The following LRRC4C variants were observed in gnomAD, a reference collection of about 807,000 sequenced individuals.
The protein encoded by LRRC4C is leucine rich repeat containing 4C, also known as leucine-rich repeat-containing protein 4C.
Under a neutral mutation model 33.6 loss-of-function variants are expected in LRRC4C, and 5 were observed. The observed-to-expected ratio is 0.15, with a 90% confidence interval of 0.08 to 0.31. LRRC4C has a LOEUF of 0.31. LRRC4C is among the 10% of genes least tolerant of loss of function. The pLI is 1.00. For missense variants in LRRC4C, 560 were observed against 796.7 expected, an observed-to-expected ratio of 0.70 and a Z score of 3.58; for synonymous variants, 329 against 302.0, an observed-to-expected ratio of 1.09 and a Z score of -0.93.
At chr11:40,696,723 GTC>G (rs1250928298) in intron 2 of LRRC4C, among the ~76,000 whole-genome samples, 1 of 129,684 alleles carries the variant, frequency 7.7e-6, no homozygotes, top group African/African-American at 2.9e-5. Flanking sequence ...CAGAAAAATT[GTC>G]TCTGTGCATA....
At chr11:40,796,294 C>T (rs1950821524) in intron 2 of LRRC4C, among the ~76,000 whole-genome samples, 1 of 152,152 alleles carries the variant, frequency 6.6e-6, no homozygotes, top group Non-Finnish European at 1.5e-5. Flanking sequence ...TTCAAAATAA[C>T]AGGACCATGC....
At chr11:40,697,824 C>T (rs1945650667) in intron 2 of LRRC4C, among the ~76,000 whole-genome samples, 1 of 152,094 alleles carries the variant, frequency 6.6e-6, no homozygotes, top group Non-Finnish European at 1.5e-5. Flanking sequence ...AATCCCAGCA[C>T]TTCGAGAGGC....
intron 3 of LRRC4C, among the ~76,000 whole-genome samples, chr11:40,342,797 C>T (rs201355582): frequency 1.3e-5 from 2 of 152,082 alleles, no homozygotes; most frequent in South Asian, 4.1e-4. Flanking sequence ...ACTGTCTATT[C>T]TACTACCCCA....
chr11:40,404,673 C>T (rs1949893134), intron 3 of LRRC4C, among the ~76,000 whole-genome samples: 2 of 152,034 alleles, frequency 1.3e-5, no homozygotes, highest in Admixed American at 1.3e-4. Flanking sequence ...ATTCATCCTT[C>T]ACTCCATAGC....
At chr11:40,222,053 C>T (rs1864460216) in intron 5 of LRRC4C, among the ~76,000 whole-genome samples, 1 of 152,018 alleles carries the variant, frequency 6.6e-6, no homozygotes. Context: ...TTTTTTCCTA[C>T]AGCTTTCCCA....
At chr11:41,303,995 TGG>T (rs1436644350) in intron 1 of LRRC4C, among the ~76,000 whole-genome samples, 1 of 40,818 alleles carries the variant, frequency 2.4e-5, no homozygotes, top group South Asian at 9.4e-4. Flanking sequence ...GGGAGGGAGG[TGG>T]GGGGGGTCAG....
intron 3 of LRRC4C, among the ~76,000 whole-genome samples, chr11:40,467,734 A>G (rs1352402878): frequency 6.6e-6 from 1 of 152,338 alleles, no homozygotes; most frequent in Non-Finnish European, 1.5e-5. Flanking sequence ...CAGAACCCTA[A>G]CTGCCTAACT....
intron 1 of LRRC4C, among the ~76,000 whole-genome samples, chr11:41,019,380 A>G (rs913811725): frequency 3.9e-5 from 6 of 152,156 alleles, no homozygotes; most frequent in African/African-American, 1.4e-4. Flanking sequence ...ATAGTATTCC[A>G]TGGTGTATAT....
intron 5 of LRRC4C, among the ~76,000 whole-genome samples, chr11:40,224,141 C>G (rs1305075767): frequency 2.6e-5 from 4 of 152,160 alleles, no homozygotes; most frequent in Non-Finnish European, 5.9e-5. Flanking sequence ...GATTGAGCTT[C>G]CAATATTTCC....
intron 2 of LRRC4C, among the ~76,000 whole-genome samples, chr11:40,857,071 A>G (rs1373355373): frequency 6.6e-6 from 1 of 152,148 alleles, no homozygotes; most frequent in East Asian, 1.9e-4. Context: ...ATGGGCTAGA[A>G]CTCAGGTTTT....
intron 1 of LRRC4C, among the ~76,000 whole-genome samples, chr11:41,034,629 A>ATATT: frequency 7.1e-6 from 1 of 141,780 alleles, no homozygotes; most frequent in Non-Finnish European, 1.5e-5. Context: ...ATATATATAT[A>ATATT]TATATATATG....
chr11:40,375,540 A>G (rs1269040370), intron 3 of LRRC4C, among the ~76,000 whole-genome samples: 1 of 152,146 alleles, frequency 6.6e-6, no homozygotes, highest in Non-Finnish European at 1.5e-5. Flanking sequence ...AAGGTCTAAC[A>G]TTTTGTGGCA....
chr11:40,881,381 A>C (rs1348926937), intron 2 of LRRC4C, among the ~76,000 whole-genome samples: 1 of 152,170 alleles, frequency 6.6e-6, no homozygotes, highest in Non-Finnish European at 1.5e-5. Context: ...TTAGCAACTC[A>C]TACACAAACA....
chr11:40,165,026 T>C (rs1221367709), intron 5 of LRRC4C, among the ~76,000 whole-genome samples: 1 of 152,248 alleles, frequency 6.6e-6, no homozygotes, highest in African/African-American at 2.4e-5. Context: ...AGGATAATTA[T>C]ACAGATTGGT....
chr11:41,162,072 A>G (rs6485253), intron 1 of LRRC4C, among the ~76,000 whole-genome samples: 142,072 of 152,198 alleles, frequency 0.93, 66,691 homozygotes, highest in East Asian at 1. Context: ...TCATGAGGTA[A>G]GAGATTTTTC....
At chr11:40,395,729 G>A (rs1329760420) in intron 3 of LRRC4C, among the ~76,000 whole-genome samples, 1 of 152,102 alleles carries the variant, frequency 6.6e-6, no homozygotes, top group East Asian at 1.9e-4. Context: ...GCTCATGCCT[G>A]TAATCCCTAC....
chr11:41,179,789 A>G (rs1945365858), intron 1 of LRRC4C, among the ~76,000 whole-genome samples: 1 of 152,218 alleles, frequency 6.6e-6, no homozygotes, highest in Non-Finnish European at 1.5e-5. Context: ...TTGGCTTTAT[A>G]GCATAGATAC....
chr11:40,621,136 C>G (rs117532277), intron 3 of LRRC4C, among the ~76,000 whole-genome samples: 3,064 of 151,808 alleles, frequency 0.02, 50 homozygotes, highest in South Asian at 0.037. Flanking sequence ...TCCTCTTAGA[C>G]AGTCTGCTGT....
chr11:40,698,855 T>G (rs892056958), intron 2 of LRRC4C, among the ~76,000 whole-genome samples: 5 of 152,094 alleles, frequency 3.3e-5, no homozygotes, highest in Non-Finnish European at 7.4e-5. Context: ...TCAGGTCTCT[T>G]GAGACGTATT....
Sources: allele counts gnomAD v4.1 joint callset (sites outside exome capture counted in the v4.1 genomes callset), GRCh38; gene constraint gnomAD v4.1.1; transcripts MANE v1.5; gene names NCBI Gene and HGNC (gene_info 2026-07-23, HGNC 2026-07-21).